Variants in NLRC4 observed in about 807,000 individuals in gnomAD.
NLRC4 encodes NLR family CARD domain containing 4.
NLRC4 carries 63 observed loss-of-function variants against 79.9 expected under a neutral mutation model. The ratio of observed to expected loss-of-function variants is 0.79; its 90% CI spans 0.64 to 0.97. NLRC4 has a LOEUF of 0.97. Ranked by LOEUF, NLRC4 falls within the 50% of genes least tolerant of loss-of-function variation. The pLI is 0.00. For synonymous variants in NLRC4, 461 were observed against 456.5 expected, an observed-to-expected ratio of 1.01 and a Z score of -0.12; for missense variants, 1,074 against 1,215.2, an observed-to-expected ratio of 0.88 and a Z score of 1.73.
chr2:32,250,124 T>G lies in NLRC4; in HGVS notation c.1740A>C (p.Gln580His). The change falls in exon 4 of 9, where the codon CAA becomes CAC. Residue 580 changes from glutamine (Q) to histidine (H), a missense_variant. Physicochemically the swap from Gln to His is conservative, Grantham distance 24. Transcript: ENST00000402280. This position sits in a 1 kb window ranked among gnomAD's most constrained non-coding sequence, Gnocchi z 4.9. The part of the protein sequence containing the change: ...ALSQEFEAFF[Q>H]GKSLYINSGN... ...CTGAGTTGATATATAAGCTTTTACC[T>G]TGAAAGAAAGCTTCAAATTCTTGGC... 6.2e-7 allele frequency: 1 copy of G among 1,614,158 alleles called. No homozygotes were observed. Among genetic ancestry groups the G allele is most frequent in the Admixed American group, 1.7e-5 (1 of 60,010 alleles).
At position 32,251,056 on chromosome 2, in the gene NLRC4, G is replaced by A. The variant is rs374448922; in HGVS notation, c.808C>T (p.Arg270Cys). The A allele has an allele frequency of 3.2e-5, 51 of 1,614,024 alleles. No individual in the cohort carries two copies. Among genetic ancestry groups the A allele is most frequent in the Non-Finnish European group, 4.0e-5 (47 of 1,180,032 alleles). The change falls in exon 4 of 9, where the codon CGC (arginine) becomes TGC (cysteine). Residue 270 changes from arginine to cysteine, a missense_variant. Physicochemically the swap from Arg to Cys is radical, Grantham distance 180. Coordinates refer to ENST00000402280, the MANE Select transcript of NLRC4 (RefSeq NM_001199138.2). ...EIEALIKENHRFKNMVIVTTT... is the reference protein window; with the variant it reads ...EIEALIKENHCFKNMVIVTTT... ...GTGACGATGACCATGTTCTTGAAGC[G>A]GTGGTTTTCCTTTATCAGGGCTTCG...
Position 32,249,604 on chromosome 2 carries a change from T to A in NLRC4, c.2257+3A>T. On this transcript the variant is annotated splice_donor_region_variant and intron_variant, in intron 4 of 8. Coordinates refer to ENST00000402280, the MANE Select transcript of NLRC4 (RefSeq NM_001199138.2). Reference sequence around the variant, plus strand: ...AAGCACAAACCACTGATATTTACAATACCCGGCAGCCGTTGATTCTGTAGG... The same window carrying A: ...AAGCACAAACCACTGATATTTACAAAACCCGGCAGCCGTTGATTCTGTAGG... 6.4e-7 allele frequency: 1 copy of A among 1,565,796 alleles called. No homozygotes were observed. Among genetic ancestry groups the A allele is most frequent in the Non-Finnish European group, 8.6e-7 (1 of 1,156,932 alleles).
At chr2:32,249,527 C>G in intron 4 of NLRC4, 80 bp downstream of exon 4, 139 of 1,068,226 alleles carry the variant, frequency 1.3e-4, no homozygotes, top group Middle Eastern at 2.2e-4. Flanking sequence ...GAAATAAAGT[C>G]TCCTCTCTCC....
At chr2:32,264,365 C>A (rs1469815761) in intron 1 of NLRC4, among the ~76,000 whole-genome samples, 2 of 145,212 alleles carry the variant, frequency 1.4e-5, no homozygotes, top group African/African-American at 2.6e-5. Flanking sequence ...ACCCAGGAGG[C>A]AGAGGTTGCA....
At position 32,250,626 on chromosome 2, in the gene NLRC4, A is replaced by G. The variant is rs1440115108; in HGVS notation, c.1238T>C (p.Val413Ala). ...SHKFDFELQD[V>A]SSVNEDVLLT... ...CAGGACATCCTCATTCACGCTGGAC[A>G]CATCCTGCAGTTCGAAATCAAACTT... The change falls in exon 4 of 9, where the codon GTG becomes GCG. Residue 413 changes from valine (V) to alanine (A), a missense_variant. Val to Ala is a moderately conservative substitution (Grantham distance 64). Coordinates refer to ENST00000402280, the MANE Select transcript of NLRC4 (RefSeq NM_001199138.2). This position sits in a 1 kb window ranked among gnomAD's most constrained non-coding sequence, Gnocchi z 4.9. The G allele has an allele frequency of 6.2e-7, 1 of 1,614,180 alleles. No individual in the cohort carries two copies. The highest frequency in any genetic ancestry group is 1.7e-5 in the Admixed American group (1 of 60,014).
chr2:32,228,488 G>A (rs904655527), intron 8 of NLRC4, among the ~76,000 whole-genome samples: 1 of 152,138 alleles, frequency 6.6e-6, no homozygotes, highest in African/African-American at 2.4e-5. Flanking sequence ...AGGATTATCA[G>A]ACATTTGACA....
At chr2:32,253,075 A>ATT (rs1205447051) in intron 2 of NLRC4, among the ~76,000 whole-genome samples, 1 of 152,018 alleles carries the variant, frequency 6.6e-6, no homozygotes. Flanking sequence ...AGGGCCATGC[A>ATT]TTTTTTTCCT....
chr2:32,260,765 A>T (rs2148948513), intron 1 of NLRC4, among the ~76,000 whole-genome samples: 1 of 152,190 alleles, frequency 6.6e-6, no homozygotes, highest in African/African-American at 2.4e-5. Flanking sequence ...CCAGATAGAG[A>T]CCCCATCTGC....
chr2:32,228,778 TC>T (rs1558444705), intron 8 of NLRC4, among the ~76,000 whole-genome samples: 1 of 151,968 alleles, frequency 6.6e-6, no homozygotes, highest in Non-Finnish European at 1.5e-5. Flanking sequence ...TTTTTTTTTT[TC>T]TTTTTTTGAG....
intron 1 of NLRC4, among the ~76,000 whole-genome samples, chr2:32,257,789 T>C (rs943586006): frequency 2.6e-5 from 4 of 151,966 alleles, no homozygotes; most frequent in African/African-American, 9.7e-5. Flanking sequence ...GGCTCACTTC[T>C]TCAGTGCCCG....
At chr2:32,255,425 C>G (rs564211237) in intron 2 of NLRC4, among the ~76,000 whole-genome samples, 20 of 150,852 alleles carry the variant, frequency 1.3e-4, no homozygotes, top group African/African-American at 4.1e-4. Flanking sequence ...GAGGCTGAGG[C>G]AGGCGAATCA....
intron 4 of NLRC4, among the ~76,000 whole-genome samples, chr2:32,248,542 G>A (rs1573490412): frequency 6.6e-6 from 1 of 152,204 alleles, no homozygotes; most frequent in East Asian, 1.9e-4. Context: ...GTCCTAGGCT[G>A]GGCGTGGTGG....
At position 32,250,289 on chromosome 2, in the gene NLRC4, C is replaced by A; in HGVS notation, c.1575G>T (p.Lys525Asn). 6.2e-7 allele frequency: 1 copy of A among 1,614,204 alleles called. No homozygotes were observed. The highest frequency in any genetic ancestry group is 1.3e-5 in the African/African-American group (1 of 75,056). The change falls in exon 4 of 9, where the codon AAG (lysine) becomes AAT (asparagine). Residue 525 changes from lysine to asparagine, a missense_variant. Lys to Asn is a moderately conservative substitution (Grantham distance 94). Transcript: ENST00000402280. This position sits in a 1 kb window ranked among gnomAD's most constrained non-coding sequence, Gnocchi z 4.9. ...AAGATTCCTGTCTCCAGAGAGGCCT[C>A]TTGGCGATGGAAAGTCCGAGAAGGC... ...HGCLLGLSIAKRPLWRQESLQ... is the reference protein window; with the variant it reads ...HGCLLGLSIANRPLWRQESLQ...
At chr2:32,228,754 G>A (rs1686461747) in intron 8 of NLRC4, among the ~76,000 whole-genome samples, 1 of 151,880 alleles carries the variant, frequency 6.6e-6, no homozygotes. Flanking sequence ...AACATGAATA[G>A]GGTCTGCGAT....
At chr2:32,260,578 C>T (rs1184719895) in intron 1 of NLRC4, among the ~76,000 whole-genome samples, 2 of 152,184 alleles carry the variant, frequency 1.3e-5, no homozygotes, top group African/African-American at 4.8e-5. Flanking sequence ...TAATAAAAAG[C>T]AGCCTGAAAA....
chr2:32,239,601 T>C (rs1686750030), intron 5 of NLRC4, among the ~76,000 whole-genome samples: 2 of 152,226 alleles, frequency 1.3e-5, no homozygotes, highest in Non-Finnish European at 2.9e-5. Flanking sequence ...GAATGAGGTA[T>C]ATAAAACTGC....
intron 4 of NLRC4, among the ~76,000 whole-genome samples, chr2:32,247,995 C>T (rs777241614): frequency 6.6e-6 from 1 of 152,026 alleles, no homozygotes; most frequent in Non-Finnish European, 1.5e-5. Context: ...GCAGAATAGA[C>T]ATGGAGACTT....
chr2:32,245,750 T>C (rs1411155234), intron 4 of NLRC4, among the ~76,000 whole-genome samples: 1 of 152,188 alleles, frequency 6.6e-6, no homozygotes, highest in Non-Finnish European at 1.5e-5. Flanking sequence ...ATACCTACTA[T>C]GTATCCACAA....
At chr2:32,224,817 A>G (rs1686335717) in intron 8 of NLRC4, 52 bp from the exon 9 acceptor site, 1 of 1,075,756 alleles carries the variant, frequency 9.3e-7, no homozygotes, top group Non-Finnish European at 1.3e-6. Flanking sequence ...TTTTAAAAAA[A>G]AAGAGAAATA....
Sources: gnomAD v4.1 joint callset for allele counts (sites outside exome capture counted in the v4.1 genomes callset) on GRCh38, gnomAD v4.1.1 for gene constraint, Gnocchi (gnomAD v3.1) non-coding constraint, MANE v1.5 for transcripts, NCBI Gene and HGNC (gene_info 2026-07-23, HGNC 2026-07-21) for gene names.